The following COL28A1 variants were observed in gnomAD, a reference collection of about 807,000 sequenced individuals.
COL28A1 encodes the protein collagen alpha-1(XXVIII) chain.
A neutral mutation model predicts 150.2 loss-of-function variants in COL28A1; 161 were observed. The observed-to-expected ratio is 1.07, with a 90% CI of 0.94 to 1.22. The LOEUF is 1.22. Among genes scored for constraint, COL28A1 ranks in the 50% most tolerant of loss-of-function variants. The pLI is 0.00. For synonymous variants in COL28A1, 552 were observed against 469.7 expected (o/e 1.18, Z -2.26); for missense variants, 1,617 against 1,388.3 (o/e 1.16, Z -2.62).
intron 27 of COL28A1, among the ~76,000 whole-genome samples, chr7:7,406,889 T>G (rs1783521240): frequency 6.6e-6 from 1 of 152,092 alleles, no homozygotes; most frequent in Non-Finnish European, 1.5e-5. Context: ...TAAAAAATAT[T>G]ATAGGAATAC....
chr7:7,466,454 T>C (rs1341268029), intron 15 of COL28A1, among the ~76,000 whole-genome samples: 1 of 115,446 alleles, frequency 8.7e-6, no homozygotes, highest in Non-Finnish European at 1.7e-5. Flanking sequence ...TATGGGACTA[T>C]GTGAAAAGAC....
At chr7:7,524,451 T>C (rs1455045693) in intron 3 of COL28A1, among the ~76,000 whole-genome samples, 1 of 152,190 alleles carries the variant, frequency 6.6e-6, no homozygotes, top group Non-Finnish European at 1.5e-5. Flanking sequence ...GAGATATAAC[T>C]ACCATTAAAA....
intron 31 of COL28A1, among the ~76,000 whole-genome samples, chr7:7,374,415 T>C (rs1232096565): frequency 6.6e-6 from 1 of 152,166 alleles, no homozygotes; most frequent in Admixed American, 6.5e-5. Context: ...CCCTAACTAC[T>C]CTAGTTGATG....
intron 25 of COL28A1, among the ~76,000 whole-genome samples, chr7:7,427,009 T>C (rs1784677087): frequency 6.6e-6 from 1 of 152,180 alleles, no homozygotes; most frequent in Non-Finnish European, 1.5e-5. Flanking sequence ...TATGGTGATG[T>C]GGGCAATGAA....
chr7:7,474,270 A>AG (rs1188551390), intron 15 of COL28A1, among the ~76,000 whole-genome samples: 2 of 151,894 alleles, frequency 1.3e-5, no homozygotes, highest in African/African-American at 4.8e-5. Context: ...AAAGACACAG[A>AG]GGACTTTGAG....
chr7:7,515,701 A>C (rs1781377984), intron 8 of COL28A1, 113 bp downstream of exon 8: 3 of 731,814 alleles, frequency 4.1e-6, no homozygotes, highest in African/African-American at 3.6e-5. Flanking sequence ...GGAATGAGGG[A>C]ATCCAGACTT....
the COL28A1 span, among the ~76,000 whole-genome samples, chr7:7,349,386 T>A: frequency 3.5e-4 from 54 of 152,242 alleles, 1 homozygote; most frequent in Non-Finnish European, 7.2e-4. Context: ...CTCCCTCTAA[T>A]CCTTTCAGTT....
At chr7:7,393,202 C>T (rs1253317666) in intron 27 of COL28A1, among the ~76,000 whole-genome samples, 2 of 152,246 alleles carry the variant, frequency 1.3e-5, no homozygotes, top group African/African-American at 4.8e-5. Context: ...AGTTTTCCTT[C>T]TAACAGTCTG....
rs189771491 is a variant in COL28A1, at chr7:7,371,886, G to A, written c.2909-1004C>T. 9.2e-3 allele frequency among the ~76,000 whole-genome samples: 1,398 copies of A among 152,072 alleles called. 20 individuals carry two copies. Among genetic ancestry groups the A allele is most frequent in the African/African-American group, 0.025 (1,057 of 41,510 alleles). On this transcript the variant is annotated intron_variant, in intron 32 of 34. Coordinates refer to ENST00000399429, the MANE Select transcript of COL28A1 (RefSeq NM_001037763.3). The stretch of plus-strand genomic sequence containing the variant: ...CTCGCTCTGTCGCCCAGGCTGGAGT[G>A]CAGTGGTACAATCTCGGCTCACTGT...
chr7:7,463,801 T>C (rs1193412112), intron 15 of COL28A1, among the ~76,000 whole-genome samples: 4 of 152,142 alleles, frequency 2.6e-5, no homozygotes, highest in Non-Finnish European at 4.4e-5. Flanking sequence ...CAGTGAATGG[T>C]ACCTCACATC....
chr7:7,380,523 G>A, intron 30 of COL28A1, 137 bp downstream of exon 30: 1 of 713,296 alleles, frequency 1.4e-6, no homozygotes, highest in Non-Finnish European at 2.4e-6. Flanking sequence ...GCCAACACTG[G>A]GCTGGTAGTA....
chr7:7,481,372 TC>T (rs1789371637), intron 13 of COL28A1, among the ~76,000 whole-genome samples: 1 of 152,190 alleles, frequency 6.6e-6, no homozygotes, highest in South Asian at 2.1e-4. Flanking sequence ...TCTCAAGTCT[TC>T]CAGTTAAACA....
At chr7:7,377,410 AGT>A (rs1307715164) in intron 30 of COL28A1, among the ~76,000 whole-genome samples, 1 of 152,144 alleles carries the variant, frequency 6.6e-6, no homozygotes, top group Non-Finnish European at 1.5e-5. Flanking sequence ...GACTTTCATA[AGT>A]GCTATGGAGA....
chr7:7,508,552 C>T (rs992265894), intron 9 of COL28A1, among the ~76,000 whole-genome samples: 2 of 152,238 alleles, frequency 1.3e-5, no homozygotes, highest in Non-Finnish European at 2.9e-5. Context: ...ATTTCCACTA[C>T]CCGAGTATGA....
chr7:7,437,437 A>C lies in COL28A1; in HGVS notation c.1748T>G (p.Phe583Cys). Residue 583 changes from phenylalanine to cysteine, a missense_variant, in exon 22 of 35, where the codon TTT becomes TGT. By Grantham distance (205) the Phe-to-Cys change is radical. Transcript: ENST00000399429. Reference protein sequence around the residue: ...PKGEPGIMGPFGMPGTSIPGP... With the variant: ...PKGEPGIMGPCGMPGTSIPGP... ...AGGAATTGATGTTCCAGGCATTCCA[A>C]AAGGGCCCATAATGCCCGGTTCACC... 6.2e-7 allele frequency: 1 copy of C among 1,613,774 alleles called. No homozygotes were observed. Among genetic ancestry groups the C allele is most frequent in the Non-Finnish European group, 8.5e-7 (1 of 1,179,926 alleles).
chr7:7,386,866 A>C (rs751374342), intron 27 of COL28A1, among the ~76,000 whole-genome samples: 4 of 152,196 alleles, frequency 2.6e-5, no homozygotes, highest in Admixed American at 6.5e-5. Flanking sequence ...ACAGCAGATT[A>C]TCTCTCACAG....
At chr7:7,521,577 A>T (rs1444939967) in intron 5 of COL28A1, among the ~76,000 whole-genome samples, 1 of 152,200 alleles carries the variant, frequency 6.6e-6, no homozygotes, top group Non-Finnish European at 1.5e-5. Flanking sequence ...TAAAGCACTG[A>T]TTATTTGTAT....
the COL28A1 span, among the ~76,000 whole-genome samples, chr7:7,343,961 T>C: frequency 6.6e-6 from 1 of 151,926 alleles, no homozygotes; most frequent in East Asian, 1.9e-4. Context: ...ATGTGCTATA[T>C]TGTACTACTG....
chr7:7,524,224 CT>C lies in COL28A1; in HGVS notation c.702+4del. 1 of 1,298,986 alleles carries C rather than the reference CT, an allele frequency of 7.7e-7. No individual in the cohort carries two copies. The highest frequency in any genetic ancestry group is 1.1e-6 in the Non-Finnish European group (1 of 892,548). The allele number at this position is 1,298,986 out of a possible 1,614,324, so 80.5% of individuals were successfully genotyped here. A position where few individuals can be genotyped will look rare whatever the true frequency, so the allele number is the denominator to read the frequency against. On this transcript the variant is annotated splice_donor_region_variant and intron_variant, in intron 4 of 34. Transcript: ENST00000399429. ...TTCGTAGTAATCAAAGCATGTGGTG[CT>C]TACCTTCTTTTCAAATAAGATATCC...
Sources: allele counts gnomAD v4.1 joint callset (sites outside exome capture counted in the v4.1 genomes callset), GRCh38; gene constraint gnomAD v4.1.1; transcripts MANE v1.5; gene names NCBI Gene and HGNC (gene_info 2026-07-23, HGNC 2026-07-21).